Variants in LIMCH1 observed in about 807,000 individuals in gnomAD.
LIMCH1 encodes the protein LIM and calponin homology domains 1, also known as LIM and calponin homology domains-containing protein 1.
A neutral mutation model predicts 176.5 loss-of-function variants in LIMCH1; 113 were observed. The observed-to-expected ratio is 0.64, with a 90% CI of 0.55 to 0.75. LIMCH1 has a LOEUF of 0.75. LIMCH1 is among the 30% of genes least tolerant of loss of function. The pLI, the probability that LIMCH1 is intolerant of heterozygous loss-of-function variation, is 0.00. For missense variants in LIMCH1, 1,674 were observed against 1,814.9 expected, an observed-to-expected ratio of 0.92 and a Z score of 1.41; for synonymous variants, 619 against 645.9, an observed-to-expected ratio of 0.96 and a Z score of 0.63.
At chr4:41,444,487 C>G (rs2063067088) in intron 1 of LIMCH1, among the ~76,000 whole-genome samples, 2 of 152,190 alleles carry the variant, frequency 1.3e-5, no homozygotes, top group Middle Eastern at 3.4e-3. Flanking sequence ...GTCAGTGGAC[C>G]TTGAACTATT....
chr4:41,679,656 G>C (rs1013576780), intron 23 of LIMCH1, among the ~76,000 whole-genome samples: 1 of 152,094 alleles, frequency 6.6e-6, no homozygotes, highest in African/African-American at 2.4e-5. Flanking sequence ...TAGTGGAATG[G>C]CAAAACTCAT....
chr4:41,499,057 A>G (rs1485373678), intron 2 of LIMCH1, among the ~76,000 whole-genome samples: 1 of 152,242 alleles, frequency 6.6e-6, no homozygotes, highest in African/African-American at 2.4e-5. Flanking sequence ...TTTTAGATGT[A>G]AATTGTTTAT....
chr4:41,679,124 G>C (rs527776882), intron 23 of LIMCH1, among the ~76,000 whole-genome samples: 1 of 152,312 alleles, frequency 6.6e-6, no homozygotes, highest in South Asian at 2.1e-4. Context: ...GACAGAAGCA[G>C]ACTTGTTTCA....
chr4:41,362,401 C>T (rs781577629), intron 1 of LIMCH1, among the ~76,000 whole-genome samples: 8 of 152,154 alleles, frequency 5.3e-5, no homozygotes, highest in Non-Finnish European at 1.0e-4. Flanking sequence ...GCCTGTGTTG[C>T]GTACTTATGC....
intron 18 of LIMCH1, among the ~76,000 whole-genome samples, chr4:41,655,506 A>G (rs1221688355): frequency 1.3e-5 from 2 of 152,242 alleles, no homozygotes; most frequent in African/African-American, 4.8e-5. Flanking sequence ...GGTCAAAATT[A>G]GCATCTTGAA....
In LIMCH1 at chr4:41,445,320, C is replaced by T. The variant is rs552310782; in HGVS notation, c.97-49216C>T. On this transcript the variant is annotated intron_variant, in intron 1 of 26. Transcript: ENST00000313860. ...TGCACGGCCCCCATTCTTTATTAAA[C>T]GTGTAGGAAGCCTATTTATATCTCA... 7.9e-5 allele frequency among the ~76,000 whole-genome samples: 12 copies of T among 152,246 alleles called. No homozygotes were observed. The East Asian group carries it at 1.2e-3, about 15-fold the overall frequency.
chr4:41,500,038 A>G (rs2072973395), intron 2 of LIMCH1, among the ~76,000 whole-genome samples: 1 of 152,228 alleles, frequency 6.6e-6, no homozygotes, highest in Non-Finnish European at 1.5e-5. Flanking sequence ...TTAGACAGTT[A>G]TAGCAAGACC....
rs146657546 is a variant in LIMCH1 at position 41,685,732 on chromosome 4, A to T, written c.3990A>T (p.Thr1330=). 11,039 of 1,613,672 alleles carry T rather than the reference A, an allele frequency of 6.8e-3. 56 individuals carry two copies. Among genetic ancestry groups the T allele is most frequent in the Non-Finnish European group, 8.5e-3 (9,992 of 1,179,680 alleles). The change falls in exon 28 of 32, where the codon ACA becomes ACT. Residue 1330 remains threonine, a synonymous_variant. Transcript: ENST00000503057. ...LAQDPSQNQQ[T]SNPTHSSEDV... Reference sequence around the variant, plus strand: ...CAGATCCATCCCAGAATCAGCAGACATCAAATCCAACGCACAGTTCAGAAG... The same window carrying T: ...CAGATCCATCCCAGAATCAGCAGACTTCAAATCCAACGCACAGTTCAGAAG...
At chr4:41,628,970 A>T (rs977244498) in intron 8 of LIMCH1, among the ~76,000 whole-genome samples, 2 of 152,368 alleles carry the variant, frequency 1.3e-5, no homozygotes, top group Admixed American at 6.5e-5. Flanking sequence ...ACTTAGATGT[A>T]CTTTCTGGCA....
intron 1 of LIMCH1, chr4:41,472,908 C>G (rs887728413): frequency 1.9e-4 from 95 of 504,860 alleles, no homozygotes; most frequent in Non-Finnish European, 2.2e-4. Context: ...CCCTTCTTTC[C>G]ACATCACATC....
At chr4:41,604,467 C>A (rs1265596933) in intron 3 of LIMCH1, among the ~76,000 whole-genome samples, 1 of 152,178 alleles carries the variant, frequency 6.6e-6, no homozygotes, top group Non-Finnish European at 1.5e-5. Context: ...AAGTCACATT[C>A]TGCATCTAAA....
At chr4:41,493,640 T>C (rs1003758855) in intron 1 of LIMCH1, among the ~76,000 whole-genome samples, 2 of 152,140 alleles carry the variant, frequency 1.3e-5, no homozygotes, top group African/African-American at 4.8e-5. Flanking sequence ...CATTCACAGA[T>C]TTTGGTAGCC....
intron 9 of LIMCH1, 35 bp downstream of exon 9, chr4:41,629,769 A>G (rs1463248340): frequency 6.6e-7 from 1 of 1,510,258 alleles, no homozygotes; most frequent in East Asian, 2.5e-5. Context: ...TCCCCCTGGC[A>G]GTCATGGTAT....
At chr4:41,694,517 T>C (rs1728903737) in intron 31 of LIMCH1, among the ~76,000 whole-genome samples, 1 of 152,212 alleles carries the variant, frequency 6.6e-6, no homozygotes, top group African/African-American at 2.4e-5. Context: ...TTTTTGTTGC[T>C]GTCATTTTGA....
At chr4:41,608,180 C>A (rs2152778354) in intron 4 of LIMCH1, among the ~76,000 whole-genome samples, 1 of 152,308 alleles carries the variant, frequency 6.6e-6, no homozygotes, top group Middle Eastern at 3.4e-3. Flanking sequence ...ACCTGCTGAT[C>A]CAAGATGGCT....
At chr4:41,544,361 A>C (rs2079081619) in intron 1 of LIMCH1, among the ~76,000 whole-genome samples, 1 of 152,162 alleles carries the variant, frequency 6.6e-6, no homozygotes, top group Admixed American at 6.5e-5. Flanking sequence ...CAGTAGCAAG[A>C]TATTTGAAGG....
chr4:41,400,026 T>C (rs1425635115), intron 1 of LIMCH1, among the ~76,000 whole-genome samples: 1 of 151,626 alleles, frequency 6.6e-6, no homozygotes, highest in Non-Finnish European at 1.5e-5. Context: ...TTTTGGTCTT[T>C]TTTTGAGGAG....
chr4:41,613,295 C>T (rs1209397299), intron 4 of LIMCH1, among the ~76,000 whole-genome samples, 171 bp from the exon 5 acceptor site: 2 of 151,864 alleles, frequency 1.3e-5, no homozygotes, highest in Non-Finnish European at 2.9e-5. Flanking sequence ...AAGGAGGCTC[C>T]AGGAACAGAG....
chr4:41,547,793 TATAA>T (rs1458606584), intron 1 of LIMCH1, among the ~76,000 whole-genome samples: 1 of 143,308 alleles, frequency 7.0e-6, no homozygotes, highest in Non-Finnish European at 1.5e-5. Flanking sequence ...ATACATATAT[TATAA>T]ATAAATACAA....
Sources: allele counts gnomAD v4.1 joint callset (sites outside exome capture counted in the v4.1 genomes callset), GRCh38; gene constraint gnomAD v4.1.1; transcripts MANE v1.5; gene names NCBI Gene and HGNC (gene_info 2026-07-23, HGNC 2026-07-21).